The following CMTR2 variants were observed in gnomAD, a reference collection of about 807,000 sequenced individuals.
CMTR2 encodes cap methyltransferase 2.
In CMTR2, 40 loss-of-function variants were observed where a neutral mutation model predicts 49.8. The observed-to-expected ratio is 0.80, with a 90% CI of 0.62 to 1.04. The LOEUF is 1.04. CMTR2 is among the 50% of genes least tolerant of loss of function. The pLI is 0.00. For synonymous variants in CMTR2, 326 were observed against 315.8 expected (o/e 1.03, Z -0.34); for missense variants, 907 against 897.2 (o/e 1.01, Z -0.14).
At position 71,284,823 on chromosome 16, in the gene CMTR2, G is replaced by T. The variant is rs2041686963; in HGVS notation, c.1098C>A (p.Phe366Leu). The change falls in exon 3 of 3, where the codon TTC (phenylalanine) becomes TTA (leucine). Residue 366 changes from phenylalanine to leucine, a missense_variant. Coordinates refer to ENST00000434935, the MANE Select transcript of CMTR2 (RefSeq NM_018348.6). ...TAGTCTCTAGCTGATATTTATGAAA[G>T]AACACACAACATTCTTCATGTCTCT... ...FLKRHEECCV[F>L]FHKYQLETIS... 1 of 1,613,838 alleles carries T rather than the reference G, an allele frequency of 6.2e-7. No individual in the cohort carries two copies. The highest frequency in any genetic ancestry group is 8.5e-7 in the Non-Finnish European group (1 of 1,179,932).
chr16:71,284,184 C>CTT lies in CMTR2; in HGVS notation c.1735_1736dup (p.Cys580SerfsTer24). The CTT allele has an allele frequency of 6.2e-7, 1 of 1,613,956 alleles. No individual in the cohort carries two copies. Among genetic ancestry groups the CTT allele is most frequent in the Non-Finnish European group, 8.5e-7 (1 of 1,179,930 alleles). On this transcript the variant is annotated frameshift_variant, in exon 3 of 3. Coordinates refer to ENST00000434935, the MANE Select transcript of CMTR2 (RefSeq NM_018348.6). LOFTEE classifies it high-confidence loss of function. ...GAGTCGAAAAGCCCACCAGCAGGCA[C>CTT]TTTATTTGATTGCTGGGTACTACAA...
rs2041615548 is a variant in CMTR2 at position 71,281,810 on chromosome 16, GTAATAATGC to G, written c.*1789_*1797del. The stretch of plus-strand genomic sequence containing the variant: ...TACTTATTTGAAGGGCTTAAAGACA[GTAATAATGC>G]TAGAATCTGGACCCATGCCTTCAAC... On this transcript the variant is annotated 3_prime_UTR_variant, in exon 3 of 3. Transcript: ENST00000434935. 1 of 152,126 alleles carries G rather than the reference GTAATAATGC, an allele frequency of 6.6e-6. No homozygotes were observed. The highest frequency in any genetic ancestry group is 2.1e-4 in the South Asian group (1 of 4,828). 9.4% of individuals were successfully genotyped at this position (152,126 alleles called of 1,614,324 possible). A position where few individuals can be genotyped will look rare whatever the true frequency, so the allele number is the denominator to read the frequency against.
Position 71,284,671 on chromosome 16 carries a change from T to C in CMTR2, c.1250A>G (p.Asn417Ser). ...AATACTAGATTTTTTTACTAGCCAATTATTTCTGGAAAGATGTTTCAGTTG... is the reference window on the plus strand; with the variant it reads ...AATACTAGATTTTTTTACTAGCCAACTATTTCTGGAAAGATGTTTCAGTTG... ...KFQLKHLSRN[N>S]WLVKKSSIGC... Residue 417 changes from asparagine to serine, a missense_variant, in exon 3 of 3, where the codon AAT becomes AGT. Coordinates refer to ENST00000434935, the MANE Select transcript of CMTR2 (RefSeq NM_018348.6). 1 of 1,612,898 alleles carries C rather than the reference T, an allele frequency of 6.2e-7. No homozygotes were observed. Among genetic ancestry groups the C allele is most frequent in the East Asian group, 2.2e-5 (1 of 44,870 alleles).
rs747208243 is a variant in CMTR2 at position 71,283,410 on chromosome 16, C to T, written c.*198G>A. 7 of 608,776 alleles carry T rather than the reference C, an allele frequency of 1.1e-5. No individual in the cohort carries two copies. Among genetic ancestry groups the T allele is most frequent in the Non-Finnish European group, 1.4e-5 (5 of 353,120 alleles). 37.7% of individuals were successfully genotyped at this position (608,776 alleles called of 1,614,324 possible). A position where few individuals can be genotyped will look rare whatever the true frequency, so the allele number is the denominator to read the frequency against. ...ATCTATCATTGCATAGATTCCACCA[C>T]GTGGAAGAGCTCTATGCCTGTGGGT... On this transcript the variant is annotated 3_prime_UTR_variant, in exon 3 of 3. Coordinates refer to ENST00000434935, the MANE Select transcript of CMTR2 (RefSeq NM_018348.6).
rs1479913202 is a variant in CMTR2 at position 71,285,068 on chromosome 16, T to C, written c.853A>G (p.Ile285Val). 1.2e-5 allele frequency: 19 copies of C among 1,614,112 alleles called. No homozygotes were observed. Among genetic ancestry groups the C allele is most frequent in the Non-Finnish European group, 1.5e-5 (18 of 1,179,972 alleles). ...CAGTTTAGCAGGTACATCAAGTTTATGGAACAATGTTCAAACATAGTAAAC... is the reference window on the plus strand; with the variant it reads ...CAGTTTAGCAGGTACATCAAGTTTACGGAACAATGTTCAAACATAGTAAAC... Reference protein sequence around the residue: ...KMFTMFEHCSINLMYLLNCCF... With the variant: ...KMFTMFEHCSVNLMYLLNCCF... The change falls in exon 3 of 3, where the codon ATA (isoleucine) becomes GTA (valine). Residue 285 changes from isoleucine (I) to valine (V), a missense_variant. Ile to Val is a conservative substitution (Grantham distance 29). Coordinates refer to ENST00000434935, the MANE Select transcript of CMTR2 (RefSeq NM_018348.6).
In CMTR2 at chr16:71,284,005, G is replaced by A. The variant is rs142098464; in HGVS notation, c.1916C>T (p.Thr639Ile). 105 of 1,613,874 alleles carry A rather than the reference G, an allele frequency of 6.5e-5. No homozygotes were observed. Among genetic ancestry groups the A allele is most frequent in the Admixed American group, 2.7e-4 (16 of 60,014 alleles). Residue 639 changes from threonine (T) to isoleucine (I), a missense_variant, in exon 3 of 3, where the codon ACA becomes ATA. Coordinates refer to ENST00000434935, the MANE Select transcript of CMTR2 (RefSeq NM_018348.6). ...TACAGGCAAAATCATAACATCTCCT[G>A]TATGAAGCTCCCGCAATGAATGTAG... ...CLLHSLRELH[T>I]GDVMILPVLS...
intron 2 of CMTR2, chr16:71,287,393 C>T (rs976064348): frequency 3.9e-5 from 6 of 151,980 alleles, no homozygotes; most frequent in African/African-American, 1.5e-4. Flanking sequence ...TAACAGGTGT[C>T]TTCTTAGTCA....
chr16:71,288,675 C>T (rs2041774323), intron 2 of CMTR2: 1 of 151,232 alleles, frequency 6.6e-6, no homozygotes, highest in South Asian at 2.1e-4. Context: ...ATGTGGCTTA[C>T]AGCGTGTGTG....
chr16:71,285,509 G>A lies in CMTR2; in HGVS notation c.412C>T (p.Leu138=). ...GCTTCACAAAGGTGTAGAGAATTCAGTTTTCCATTCTGAAAAGCTTCCTGT... is the reference window on the plus strand; with the variant it reads ...GCTTCACAAAGGTGTAGAGAATTCAATTTTCCATTCTGAAAAGCTTCCTGT... ...IPQEAFQNGK[L]NSLHLCEAPG... Residue 138 remains leucine, a synonymous_variant, in exon 3 of 3, where the codon CTG becomes TTG. Coordinates refer to ENST00000434935, the MANE Select transcript of CMTR2 (RefSeq NM_018348.6). The A allele has an allele frequency of 6.2e-7, 1 of 1,613,982 alleles. No homozygotes were observed.
At chr16:71,287,797 T>G (rs1487560839) in intron 2 of CMTR2, 2 of 152,218 alleles carry the variant, frequency 1.3e-5, no homozygotes, top group Admixed American at 6.5e-5. Context: ...AAGACAAAAC[T>G]GAGGTGTTTC....
rs751154552 is a variant in CMTR2 at position 71,284,903 on chromosome 16, C to T, written c.1018G>A (p.Glu340Lys). The T allele has an allele frequency of 1.2e-6, 2 of 1,614,096 alleles. No individual in the cohort carries two copies. The highest frequency in any genetic ancestry group is 4.5e-5 in the East Asian group (2 of 44,878). Reference sequence around the variant, plus strand: ...GGAAAAAGGGCTTTCCTTTTCATTTCAGTCCCAAAATTCAAGGTCATCTTA... The same window carrying T: ...GGAAAAAGGGCTTTCCTTTTCATTTTAGTCCCAAAATTCAAGGTCATCTTA... ...LSKMTLNFGT[E>K]MKRKALFPHH... is the part of the protein sequence containing the mutation. Residue 340 changes from glutamate (E) to lysine (K), a missense_variant, in exon 3 of 3, where the codon GAA (glutamate) becomes AAA (lysine). Glu to Lys is a moderately conservative substitution (Grantham distance 56). Transcript: ENST00000434935.
chr16:71,286,459 T>C (rs1189525969), intron 2 of CMTR2: 1 of 147,660 alleles, frequency 6.8e-6, no homozygotes, highest in African/African-American at 2.5e-5. Context: ...TTTTTTTTTT[T>C]AGTTCCCGTC....
chr16:71,283,294 A>G lies in CMTR2; in HGVS notation c.*314T>C, dbSNP rs2041642147. 3.9e-6 allele frequency: 1 copy of G among 258,652 alleles called. No individual in the cohort carries two copies. Among genetic ancestry groups the G allele is most frequent in the South Asian group, 1.1e-4 (1 of 8,756 alleles). 16.0% of individuals were successfully genotyped at this position (258,652 alleles called of 1,614,324 possible). On this transcript the variant is annotated 3_prime_UTR_variant, in exon 3 of 3. Coordinates refer to ENST00000434935, the MANE Select transcript of CMTR2 (RefSeq NM_018348.6). ...CAAAGGTACACAGATGCAAATCTTA[A>G]GCAGATTAAGTAAGACCAACTAAAT...
In CMTR2 at chr16:71,282,430, G is replaced by A. The variant is rs1204028728; in HGVS notation, c.*1178C>T. 4 of 151,898 alleles carry A rather than the reference G, an allele frequency of 2.6e-5. No individual in the cohort carries two copies. The highest frequency in any genetic ancestry group is 5.9e-5 in the Non-Finnish European group (4 of 67,908). The allele number at this position is 151,898 out of a possible 1,614,324, so 9.4% of individuals were successfully genotyped here. ...ACATCTATTTTCACATATCAAAAGT[G>A]CCTAAAATGCATGTGAGAATATAAA... is the stretch of plus-strand genomic sequence containing the variant. On this transcript the variant is annotated 3_prime_UTR_variant, in exon 3 of 3. Coordinates refer to ENST00000434935, the MANE Select transcript of CMTR2 (RefSeq NM_018348.6).
In CMTR2 at chr16:71,285,909, G is replaced by A. The variant is rs764960244; in HGVS notation, c.12C>T (p.Cys4=). 6.4e-7 allele frequency: 1 copy of A among 1,557,856 alleles called. No homozygotes were observed. Among genetic ancestry groups the A allele is most frequent in the South Asian group, 1.2e-5 (1 of 83,064 alleles). MSK[C]RKTPVQQLAS... is the part of the protein sequence containing the mutation. ...CTAGCTGCTGAACTGGTGTCTTTCT[G>A]CACTTACTCATTTTCAAATCAAATT... The change falls in exon 3 of 3, where the codon TGC becomes TGT. Residue 4 remains cysteine (C), a synonymous_variant. Coordinates refer to ENST00000434935, the MANE Select transcript of CMTR2 (RefSeq NM_018348.6).
rs2041616561 is a variant in CMTR2, at chr16:71,281,860, T to C, written c.*1748A>G. ...TGCCTTCAACTTCATTCTTATCAAA[T>C]AGTTAAAATAAGTAAAAAATAAGCT... is the stretch of plus-strand genomic sequence containing the variant. On this transcript the variant is annotated 3_prime_UTR_variant, in exon 3 of 3. Coordinates refer to ENST00000434935, the MANE Select transcript of CMTR2 (RefSeq NM_018348.6). The C allele has an allele frequency of 6.6e-6, 1 of 151,918 alleles. No homozygotes were observed. Among genetic ancestry groups the C allele is most frequent in the Non-Finnish European group, 1.5e-5 (1 of 67,870 alleles). The allele number at this position is 151,918 out of a possible 1,614,324, so 9.4% of individuals were successfully genotyped here. A position where few individuals can be genotyped will look rare whatever the true frequency, so the allele number is the denominator to read the frequency against.
chr16:71,285,644 T>TA lies in CMTR2; in HGVS notation c.276dup (p.Asn93Ter). The TA allele has an allele frequency of 3.1e-6, 5 of 1,613,834 alleles. No individual in the cohort carries two copies. In the South Asian group the frequency reaches 5.5e-5, roughly 18 times the overall value. On this transcript the variant is annotated frameshift_variant, in exon 3 of 3. Coordinates refer to ENST00000434935, the MANE Select transcript of CMTR2 (RefSeq NM_018348.6). LOFTEE classifies it high-confidence loss of function. ...TGAGAAATGATTTTCCCCGCTTTAT[T>TA]AGTGAAAGCAGTGTGCTCATGCCAC... is the stretch of plus-strand genomic sequence containing the variant.
In CMTR2 at chr16:71,284,776, A is replaced by G; in HGVS notation, c.1145T>C (p.Phe382Ser). The G allele has an allele frequency of 6.2e-7, 1 of 1,613,850 alleles. No homozygotes were observed. The highest frequency in any genetic ancestry group is 8.5e-7 in the Non-Finnish European group (1 of 1,179,948). ...TTGTTCCGCCTTTCCCATGCACTCA[A>G]ATAGACGAATGTTTTCAGAAATAGT... ...LETISENIRL[F>S]ECMGKAEQEK... The change falls in exon 3 of 3, where the codon TTT (phenylalanine) becomes TCT (serine). Residue 382 changes from phenylalanine to serine, a missense_variant. Coordinates refer to ENST00000434935, the MANE Select transcript of CMTR2 (RefSeq NM_018348.6).
Position 71,282,003 on chromosome 16 carries a change from T to C in CMTR2, c.*1605A>G, listed in dbSNP as rs1467990508. Reference sequence around the variant, plus strand: ...TAATCAACCTTCTGTCAGACTTCCATCGTCATACAACTGGAATTGCTTCCA... The same window carrying C: ...TAATCAACCTTCTGTCAGACTTCCACCGTCATACAACTGGAATTGCTTCCA... On this transcript the variant is annotated 3_prime_UTR_variant, in exon 3 of 3. Coordinates refer to ENST00000434935, the MANE Select transcript of CMTR2 (RefSeq NM_018348.6). The C allele has an allele frequency of 6.6e-6, 1 of 151,202 alleles. No homozygotes were observed. Among genetic ancestry groups the C allele is most frequent in the Admixed American group, 6.6e-5 (1 of 15,196 alleles). The allele number at this position is 151,202 out of a possible 1,614,324, so 9.4% of individuals were successfully genotyped here.
Sources: gnomAD v4.1 joint callset for allele counts on GRCh38, gnomAD v4.1.1 for gene constraint, MANE v1.5 for transcripts, NCBI Gene and HGNC (gene_info 2026-07-23, HGNC 2026-07-21) for gene names.